Variants in ACTN4 observed in about 807,000 individuals in gnomAD.
ACTN4 encodes actinin alpha 4, also known as alpha-actinin-4.
In ACTN4, 18 loss-of-function variants were observed where a neutral mutation model predicts 114.2. The observed-to-expected ratio is 0.16, with a 90% confidence interval of 0.11 to 0.23. The LOEUF is 0.23. Among genes scored for constraint, ACTN4 ranks in the 10% least tolerant of loss-of-function variants. ACTN4 has a pLI of 1.00. For missense variants in ACTN4, 722 were observed against 1,262.9 expected, an observed-to-expected ratio of 0.57 and a Z score of 6.49; for synonymous variants, 515 against 506.3, an observed-to-expected ratio of 1.02 and a Z score of -0.23.
intron 17 of ACTN4, 78 bp from the exon 18 acceptor site, chr19:38,726,879 C>T: frequency 6.3e-7 from 1 of 1,594,500 alleles, no homozygotes; most frequent in Non-Finnish European, 8.5e-7. Context: ...GAGGACAGTT[C>T]ACAGTCCTCC....
chr19:38,696,190 C>T (rs1968086223), intron 1 of ACTN4, among the ~76,000 whole-genome samples: 2 of 152,280 alleles, frequency 1.3e-5, no homozygotes, highest in South Asian at 4.1e-4. Flanking sequence ...CTGGAGTGGA[C>T]TGATCGCTTG....
Position 38,727,740 on chromosome 19 carries a change from T to C in ACTN4, c.2338-206T>C. 2 of 595,120 alleles carry C rather than the reference T, an allele frequency of 3.4e-6. No homozygotes were observed. Among genetic ancestry groups the C allele is most frequent in the South Asian group, 2.0e-5 (1 of 50,962 alleles). 36.9% of individuals were successfully genotyped at this position (595,120 alleles called of 1,614,324 possible). A position where few individuals can be genotyped will look rare whatever the true frequency, so the allele number is the denominator to read the frequency against. On this transcript the variant is annotated intron_variant, in intron 18 of 20. Transcript: ENST00000252699. The surrounding 1 kb of genome is among the most constrained non-coding windows in gnomAD (Gnocchi z 5.4). Reference sequence around the variant, plus strand: ...GGGAGGCCTCTGCCTTCCTTTGAGCTTCCGAGGTTGGGGAAAGGATGAAAG... The same window carrying C: ...GGGAGGCCTCTGCCTTCCTTTGAGCCTCCGAGGTTGGGGAAAGGATGAAAG...
Position 38,730,279 on chromosome 19 carries a change from C to A in ACTN4, c.*847C>A, listed in dbSNP as rs1383761085. The A allele has an allele frequency of 6.2e-6, 1 of 162,124 alleles. No individual in the cohort carries two copies. Among genetic ancestry groups the A allele is most frequent in the African/African-American group, 2.4e-5 (1 of 41,438 alleles). 10.0% of individuals were successfully genotyped at this position (162,124 alleles called of 1,614,324 possible). A position where few individuals can be genotyped will look rare whatever the true frequency, so the allele number is the denominator to read the frequency against. ...ACATATCTCTGCCGTCTCTCCTGCT[C>A]TCATAATGAAGACATAGCCGATTCT... On this transcript the variant is annotated 3_prime_UTR_variant, in exon 21 of 21. Transcript: ENST00000252699.
intron 1 of ACTN4, among the ~76,000 whole-genome samples, chr19:38,694,970 G>T (rs145941448): frequency 1.1e-4 from 17 of 152,254 alleles, no homozygotes; most frequent in Non-Finnish European, 2.2e-4. Flanking sequence ...TGCCTCTCAG[G>T]CACAAGCTGT....
chr19:38,695,469 C>T (rs550342828), intron 1 of ACTN4, among the ~76,000 whole-genome samples: 5 of 152,186 alleles, frequency 3.3e-5, no homozygotes, highest in Non-Finnish European at 5.9e-5. Context: ...TTTGGCGTGC[C>T]GGCAGGGCAC....
Position 38,702,588 on chromosome 19 carries a change from C to T in ACTN4, c.397+1467C>T, listed in dbSNP as rs904389483. ...GCGGCCTTGCCCAGCTCTGCAGGCC[C>T]GGCCCTCAGGAGGTGCACAGAATAG... On this transcript the variant is annotated intron_variant, in intron 3 of 20. Coordinates refer to ENST00000252699, the MANE Select transcript of ACTN4 (RefSeq NM_004924.6). 2.6e-5 allele frequency among the ~76,000 whole-genome samples: 4 copies of T among 152,156 alleles called. 1 individual carries two copies. Among genetic ancestry groups the T allele is most frequent in the Admixed American group, 1.3e-4 (2 of 15,276 alleles).
chr19:38,692,423 C>T (rs1486011327), intron 1 of ACTN4, among the ~76,000 whole-genome samples: 1 of 152,232 alleles, frequency 6.6e-6, no homozygotes, highest in Non-Finnish European at 1.5e-5. Flanking sequence ...CAACCTGCTT[C>T]CTGGCTTTTA....
At position 38,723,771 on chromosome 19, in the gene ACTN4, C is replaced by T. The variant is rs62120068; in HGVS notation, c.1551+49C>T. ...ACGGAGCTCTGTGCCCCTGCTGCCC[C>T]GGGGCTGGTGGTGTGGATAGTGTCC... On this transcript the variant is annotated intron_variant, in intron 13 of 20. Coordinates refer to ENST00000252699, the MANE Select transcript of ACTN4 (RefSeq NM_004924.6). 0.065 allele frequency: 98,551 copies of T among 1,508,386 alleles called. 3,552 individuals are homozygous for T. Among genetic ancestry groups the T allele is most frequent in the South Asian group, 0.1 (8,772 of 86,242 alleles). 93.4% of individuals were successfully genotyped at this position (1,508,386 alleles called of 1,614,324 possible).
intron 1 of ACTN4, among the ~76,000 whole-genome samples, chr19:38,658,951 G>A (rs1392766499): frequency 6.6e-6 from 1 of 150,818 alleles, no homozygotes; most frequent in African/African-American, 2.5e-5. Flanking sequence ...CCGACACTGT[G>A]TCTCATGGTG....
At chr19:38,654,581 A>G (rs1976661522) in intron 1 of ACTN4, among the ~76,000 whole-genome samples, 2 of 152,008 alleles carry the variant, frequency 1.3e-5, no homozygotes, top group Non-Finnish European at 2.9e-5. Context: ...AAAAAAAGAA[A>G]AAGAAAAGGA....
chr19:38,728,101 T>C (rs1313099337), intron 19 of ACTN4, 75 bp downstream of exon 19: 94 of 1,513,240 alleles, frequency 6.2e-5, no homozygotes, highest in Non-Finnish European at 8.2e-5. Context: ...CTTTCTCCCC[T>C]CGCCATCCCA....
At chr19:38,707,763 T>C (rs943650507) in intron 5 of ACTN4, among the ~76,000 whole-genome samples, 3 of 152,208 alleles carry the variant, frequency 2.0e-5, no homozygotes, top group African/African-American at 4.8e-5. Flanking sequence ...CTAGCAGTTA[T>C]AAAGCAGTTG....
chr19:38,729,392 A>G lies in ACTN4; in HGVS notation c.2696A>G (p.Lys899Arg). 6.2e-7 allele frequency: 1 copy of G among 1,612,736 alleles called. No homozygotes were observed. The highest frequency in any genetic ancestry group is 2.2e-5 in the East Asian group (1 of 44,856). Residue 899 changes from lysine (K) to arginine (R), a missense_variant, in exon 21 of 21, where the codon AAG becomes AGG. Transcript: ENST00000252699. Reference protein sequence around the residue: ...PDAVPGALDYKSFSTALYGES... With the variant: ...PDAVPGALDYRSFSTALYGES... ...GCCGTGCCCGGTGCCCTCGACTACA[A>G]GTCCTTCTCCACGGCCTTGTATGGC... is the stretch of plus-strand genomic sequence containing the variant.
intron 8 of ACTN4, among the ~76,000 whole-genome samples, chr19:38,713,035 T>C (rs1389842922): frequency 1.3e-5 from 2 of 152,134 alleles, no homozygotes. Flanking sequence ...TGTGTGCTCC[T>C]CAGGACAGCC....
At chr19:38,684,941 TTTTG>T (rs754083581) in intron 1 of ACTN4, among the ~76,000 whole-genome samples, 23 of 151,906 alleles carry the variant, frequency 1.5e-4, no homozygotes, top group African/African-American at 2.9e-4. Context: ...CCAAATGGCT[TTTTG>T]TTTGTTTGTT....
chr19:38,669,616 T>C (rs1452864475), intron 1 of ACTN4, among the ~76,000 whole-genome samples: 2 of 152,138 alleles, frequency 1.3e-5, no homozygotes, highest in Non-Finnish European at 2.9e-5. Flanking sequence ...ATGGTGGCCC[T>C]TGGGTTGCCC....
chr19:38,681,129 GAAAAAAAAAA>G (rs35906770), intron 1 of ACTN4, among the ~76,000 whole-genome samples: 22 of 69,276 alleles, frequency 3.2e-4, no homozygotes, highest in African/African-American at 8.9e-4. Flanking sequence ...CCAATCTCTA[GAAAAAAAAAA>G]AAAAAAAAAA....
At chr19:38,652,647 C>T (rs534408824) in intron 1 of ACTN4, among the ~76,000 whole-genome samples, 22 of 152,316 alleles carry the variant, frequency 1.4e-4, no homozygotes, top group South Asian at 4.1e-4. Flanking sequence ...CTCCATTTAA[C>T]GGCAGCCGAC....
At chr19:38,678,825 G>A (rs1355717114) in intron 1 of ACTN4, among the ~76,000 whole-genome samples, 2 of 152,194 alleles carry the variant, frequency 1.3e-5, no homozygotes, top group East Asian at 1.9e-4. Flanking sequence ...GACAAAACCC[G>A]GGACTGTTTC....
Sources: gnomAD v4.1 joint callset for allele counts (sites outside exome capture counted in the v4.1 genomes callset) on GRCh38, gnomAD v4.1.1 for gene constraint, Gnocchi (gnomAD v3.1) non-coding constraint, MANE v1.5 for transcripts, NCBI Gene and HGNC (gene_info 2026-07-23, HGNC 2026-07-21) for gene names.